Variants in KRT26 observed in about 807,000 individuals in gnomAD.
KRT26 encodes the protein keratin 26.
In KRT26, 45 loss-of-function variants were observed where a neutral mutation model predicts 46.1. That is an observed-to-expected ratio of 0.98 (90% CI 0.77 to 1.25). The LOEUF is 1.25. Ranked by LOEUF, KRT26 falls within the 50% of genes most tolerant of loss-of-function variation. The pLI is 0.00. For missense variants in KRT26, 582 were observed against 560.1 expected (o/e 1.04, Z -0.39); for synonymous variants, 191 against 209.9 (o/e 0.91, Z 0.78).
intron 6 of KRT26, 91 bp downstream of exon 6, chr17:40,768,788 G>A (rs968493845): frequency 1.5e-6 from 1 of 652,616 alleles, no homozygotes. Flanking sequence ...TCCAGAGTAG[G>A]AAATTCTAGG....
At chr17:40,767,418 G>A (rs772240834) in intron 7 of KRT26, among the ~76,000 whole-genome samples, 168 bp downstream of exon 7, 13 of 152,034 alleles carry the variant, frequency 8.6e-5, no homozygotes, top group Admixed American at 1.3e-4. Flanking sequence ...GTTGATCTAC[G>A]GGAATATAAA....
chr17:40,770,289 A>G, exon 3 of KRT26: 2 of 1,614,040 alleles, frequency 1.2e-6, no homozygotes, highest in Non-Finnish European at 1.7e-6. Flanking sequence ...TCAATTCCTC[A>G]CTGAGGGTCT....
At chr17:40,771,031 CT>C in intron 2 of KRT26, 122 bp downstream of exon 2, 1 of 526,886 alleles carries the variant, frequency 1.9e-6, no homozygotes, top group Non-Finnish European at 3.3e-6. Flanking sequence ...AATTCAATTT[CT>C]TTATTGATCT....
intron 2 of KRT26, among the ~76,000 whole-genome samples, chr17:40,770,903 G>A (rs1480030882): frequency 1.3e-5 from 2 of 152,012 alleles, no homozygotes; most frequent in Non-Finnish European, 2.9e-5. Context: ...CATTGGCCAG[G>A]CTGGTCTCAA....
chr17:40,769,081 A>C (rs552488022), exon 6 of KRT26: 2 of 1,612,636 alleles, frequency 1.2e-6, no homozygotes, highest in Non-Finnish European at 1.7e-6. Flanking sequence ...GCCAAGGAGC[A>C]TTCATAGGAA....
Position 40,769,651 on chromosome 17 carries a change from T to C in KRT26, c.969+103A>G, listed in dbSNP as rs530705357. The stretch of plus-strand genomic sequence containing the variant: ...TTAATATATTTTATACTTTTAGTCA[T>C]ATGTAAATGGTTATACGTACTTGGT... On this transcript the variant is annotated intron_variant, in intron 5 of 7. Transcript: ENST00000335552. 1.0e-5 allele frequency: 12 copies of C among 1,182,614 alleles called. No individual in the cohort carries two copies. In the South Asian group the frequency reaches 1.5e-4, roughly 14 times the overall value. The allele number at this position is 1,182,614 out of a possible 1,614,324, so 73.3% of individuals were successfully genotyped here.
rs2038222561 is a variant in KRT26 at position 40,771,753 on chromosome 17, T to A, written c.361A>T (p.Lys121Ter). Residue 121 changes from lysine to a stop codon, truncating the protein, a stop_gained, in exon 1 of 8, where the codon AAA becomes TAA. Transcript: ENST00000335552. LOFTEE classifies it high-confidence loss of function. ...TCCCGGGAAGAGCCAGGCTCACATT[T>A]CTCGTACCAGCCCTTGATCTTCTGC... The A allele has an allele frequency of 6.2e-7, 1 of 1,614,064 alleles. No individual in the cohort carries two copies. The highest frequency in any genetic ancestry group is 8.5e-7 in the Non-Finnish European group (1 of 1,180,048).
rs758294123 is a variant in KRT26, at chr17:40,769,010, C to T, written c.1056G>A (p.Met352Ile). Residue 352 changes from methionine (M) to isoleucine (I), a missense_variant, in exon 6 of 8, where the codon ATG (methionine) becomes ATA (isoleucine). Coordinates refer to ENST00000335552, the Ensembl canonical transcript of KRT26. ...TTCGAATCTGTTGCAGTTGTTCCTC[C>T]ATCACCCCTATCTGATCCTGAATTT... is the stretch of plus-strand genomic sequence containing the variant. The T allele has an allele frequency of 1.9e-6, 3 of 1,613,884 alleles. No homozygotes were observed. The Admixed American group carries it at 5.0e-5, about 27-fold the overall frequency.
At chr17:40,770,166 T>C in intron 3 of KRT26, 44 bp from the exon 4 acceptor site, 10 of 1,612,694 alleles carry the variant, frequency 6.2e-6, no homozygotes, top group Non-Finnish European at 8.5e-6. Context: ...GGATTTTGAT[T>C]GATGTTCATG....
At chr17:40,769,046 A>G (rs768690416) in exon 6 of KRT26, 2 of 1,614,060 alleles carry the variant, frequency 1.2e-6, no homozygotes, top group African/African-American at 2.7e-5. Context: ...GCTGGAGTTG[A>G]TTGCAGTAAT....
At chr17:40,769,698 G>T in intron 5 of KRT26, 56 bp downstream of exon 5, 1 of 1,557,174 alleles carries the variant, frequency 6.4e-7, no homozygotes, top group Non-Finnish European at 8.9e-7. Context: ...TTTTATATCT[G>T]TATTGACTTA....
chr17:40,769,062 TCA>T lies in KRT26; in HGVS notation c.1002_1003del (p.Glu335ArgfsTer36). Reference sequence around the variant, plus strand: ...CTGGAGTTGATTGCAGTAATTTCCTTCAGTCTCAGCCAAGGAGCATTCATAGG... The same window carrying T: ...CTGGAGTTGATTGCAGTAATTTCCTTGTCTCAGCCAAGGAGCATTCATAGG... On this transcript the variant is annotated frameshift_variant, in exon 6 of 8. Coordinates refer to ENST00000335552, the Ensembl canonical transcript of KRT26. LOFTEE classifies it high-confidence loss of function. The T allele has an allele frequency of 6.2e-7, 1 of 1,614,000 alleles. No homozygotes were observed. The highest frequency in any genetic ancestry group is 8.5e-7 in the Non-Finnish European group (1 of 1,179,938).
Position 40,767,684 on chromosome 17 carries a change from T to G in KRT26, c.1188-31A>C, listed in dbSNP as rs570532830. On this transcript the variant is annotated intron_variant, in intron 6 of 7. Transcript: ENST00000335552. ...AAGAGAAGAGTAAATTATTGCATTT[T>G]TTTTTCTTTCCTTAGTGAGCTTATA... 8.1e-5 allele frequency: 110 copies of G among 1,364,482 alleles called. 1 individual carries two copies. Among genetic ancestry groups the G allele is most frequent in the East Asian group, 2.1e-4 (9 of 43,494 alleles). The allele number at this position is 1,364,482 out of a possible 1,614,324, so 84.5% of individuals were successfully genotyped here.
Position 40,769,899 on chromosome 17 carries a change from A to T in KRT26, c.844-20T>A, listed in dbSNP as rs2038205918. 6.2e-7 allele frequency: 1 copy of T among 1,614,026 alleles called. No individual in the cohort carries two copies. The highest frequency in any genetic ancestry group is 8.5e-7 in the Non-Finnish European group (1 of 1,180,028). ...TGCACTCTGAAGTGTAATTGTCGAA[A>T]GGGTTAGTGACTGGCCTGATTGTCT... is the stretch of plus-strand genomic sequence containing the variant. On this transcript the variant is annotated intron_variant, in intron 4 of 7. Coordinates refer to ENST00000335552, the Ensembl canonical transcript of KRT26.
At chr17:40,772,183 T>C, upstream of KRT26, 1 of 1,279,002 alleles carries the variant, frequency 7.8e-7, no homozygotes. Context: ...TCCACACTTG[T>C]TAGCTCCCTT....
chr17:40,769,886 T>A lies in KRT26; in HGVS notation c.844-7A>T. 1 of 1,614,100 alleles carries A rather than the reference T, an allele frequency of 6.2e-7. No individual in the cohort carries two copies. ...GTTGTTGCAGCGTTGCACTCTGAAG[T>A]GTAATTGTCGAAAGGGTTAGTGACT... is the stretch of plus-strand genomic sequence containing the variant. On this transcript the variant is annotated splice_polypyrimidine_tract_variant and splice_region_variant and intron_variant, in intron 4 of 7. Transcript: ENST00000335552.
exon 8 of KRT26, chr17:40,766,482 T>C (rs544221529): frequency 2.7e-4 from 368 of 1,378,842 alleles, no homozygotes; most frequent in Admixed American, 5.4e-4. Flanking sequence ...CTCTCTCTCT[T>C]TCTTTCTTTC....
chr17:40,767,638 T>C (rs1282306187), exon 7 of KRT26: 1 of 1,607,006 alleles, frequency 6.2e-7, no homozygotes, highest in East Asian at 2.2e-5. Context: ...ATTTGTAACA[T>C]GTGGATTTGC....
intron 7 of KRT26, among the ~76,000 whole-genome samples, chr17:40,767,186 T>C (rs1328443950): frequency 1.3e-5 from 2 of 152,212 alleles, no homozygotes; most frequent in East Asian, 3.8e-4. Context: ...TTTGAAAACA[T>C]AAATGAAACA....
Sources: allele counts gnomAD v4.1 joint callset (sites outside exome capture counted in the v4.1 genomes callset), GRCh38; gene constraint gnomAD v4.1.1; transcripts MANE v1.5; gene names NCBI Gene and HGNC (gene_info 2026-07-23, HGNC 2026-07-21).